The following SLC39A14 variants were observed in gnomAD, a reference collection of about 807,000 sequenced individuals.
SLC39A14 encodes metal cation symporter ZIP14.
In SLC39A14, 19 loss-of-function variants were observed where a neutral mutation model predicts 45.5. The ratio of observed to expected loss-of-function variants is 0.42; its 90% CI spans 0.29 to 0.61. The LOEUF is 0.61. Among genes scored for constraint, SLC39A14 ranks in the 20% least tolerant of loss-of-function variants. The probability of loss-of-function intolerance (pLI) is 0.22; values close to 1 mark genes in which losing one functional copy is unlikely to be tolerated. For missense variants in SLC39A14, 447 were observed against 616.5 expected (o/e 0.73, Z 2.91); for synonymous variants, 264 against 251.3 (o/e 1.05, Z -0.48).
At chr8:22,389,606 A>T (rs974088062) in intron 1 of SLC39A14, among the ~76,000 whole-genome samples, 7 of 152,076 alleles carry the variant, frequency 4.6e-5, no homozygotes, top group African/African-American at 1.7e-4. Context: ...GGGCCAGCAG[A>T]TTGACGTGAG....
chr8:22,407,107 C>T (rs1403956846), intron 2 of SLC39A14, among the ~76,000 whole-genome samples: 1 of 152,198 alleles, frequency 6.6e-6, no homozygotes, highest in Non-Finnish European at 1.5e-5. Flanking sequence ...TTCCCTGAAT[C>T]TTCAGGTTTT....
Position 22,421,146 on chromosome 8 carries a change from T to C in SLC39A14, c.*1448T>C. On this transcript the variant is annotated 3_prime_UTR_variant, in exon 9 of 9. Coordinates refer to ENST00000381237, the MANE Select transcript of SLC39A14 (RefSeq NM_001128431.4). ...GAGCCTGTCTCTCCAGAAGCCTTTC[T>C]TAGTGGTGCCCACAGTTGGAGCCCA... 37 of 985,878 alleles carry C rather than the reference T, an allele frequency of 3.8e-5. No homozygotes were observed. The highest frequency in any genetic ancestry group is 4.2e-5 in the Non-Finnish European group (35 of 829,938). 61.1% of individuals were successfully genotyped at this position (985,878 alleles called of 1,614,324 possible).
chr8:22,386,943 C>T (rs1018572273), intron 1 of SLC39A14, among the ~76,000 whole-genome samples: 3 of 151,872 alleles, frequency 2.0e-5, no homozygotes, highest in Admixed American at 6.6e-5. Flanking sequence ...GAGGCTGGGG[C>T]GGGAGGATCT....
chr8:22,414,975 G>T, intron 5 of SLC39A14, 73 bp downstream of exon 5: 1 of 1,500,838 alleles, frequency 6.7e-7, no homozygotes, highest in East Asian at 2.3e-5. Context: ...GATGTATTGT[G>T]GTGGTGGTGG....
At chr8:22,397,982 A>G (rs1586697311) in intron 1 of SLC39A14, among the ~76,000 whole-genome samples, 1 of 152,128 alleles carries the variant, frequency 6.6e-6, no homozygotes, top group East Asian at 1.9e-4. Context: ...GGTCCCTCGG[A>G]GACCCCTTTC....
chr8:22,387,647 G>C (rs1226220002), intron 1 of SLC39A14, among the ~76,000 whole-genome samples: 1 of 152,328 alleles, frequency 6.6e-6, no homozygotes, highest in East Asian at 1.9e-4. Flanking sequence ...GTGTGAGCGG[G>C]TGTTGGATCG....
Position 22,421,086 on chromosome 8 carries a change from A to G in SLC39A14, c.*1388A>G. 6 of 985,812 alleles carry G rather than the reference A, an allele frequency of 6.1e-6. No homozygotes were observed. Among genetic ancestry groups the G allele is most frequent in the Non-Finnish European group, 7.2e-6 (6 of 829,924 alleles). The allele number at this position is 985,812 out of a possible 1,614,324, so 61.1% of individuals were successfully genotyped here. A position where few individuals can be genotyped will look rare whatever the true frequency, so the allele number is the denominator to read the frequency against. On this transcript the variant is annotated 3_prime_UTR_variant, in exon 9 of 9. Transcript: ENST00000381237. ...CTAGGTGAATTGATTTATTATTATC[A>G]TATTGATAATGTGAGATTCTTTAGC...
chr8:22,402,491 C>T (rs186892512), intron 1 of SLC39A14, among the ~76,000 whole-genome samples: 11 of 152,308 alleles, frequency 7.2e-5, no homozygotes, highest in African/African-American at 2.4e-4. Flanking sequence ...AAATTCTGGC[C>T]GGGCACGGTG....
At chr8:22,370,774 C>A (rs1248871942) in intron 1 of SLC39A14, among the ~76,000 whole-genome samples, 1 of 152,084 alleles carries the variant, frequency 6.6e-6, no homozygotes, top group African/African-American at 2.4e-5. Flanking sequence ...TTCCAGACTC[C>A]CTGGAGACAT....
chr8:22,390,833 G>A (rs1248130696), intron 1 of SLC39A14, among the ~76,000 whole-genome samples: 1 of 152,010 alleles, frequency 6.6e-6, no homozygotes, highest in Non-Finnish European at 1.5e-5. Context: ...CTCTCACACT[G>A]CTGGGATTAC....
rs1411139108 is a variant in SLC39A14, at chr8:22,408,298, C to G, written c.271-12C>G. On this transcript the variant is annotated splice_polypyrimidine_tract_variant and intron_variant, in intron 2 of 8. Coordinates refer to ENST00000381237, the MANE Select transcript of SLC39A14 (RefSeq NM_001128431.4). ...GGGGTCTAAGCGGCTTCCTGCCCTT[C>G]CTGTGTTTCAGTGCTTTAGTTCTGG... is the stretch of plus-strand genomic sequence containing the variant. The G allele has an allele frequency of 4.3e-6, 7 of 1,609,830 alleles. No homozygotes were observed. Among genetic ancestry groups the G allele is most frequent in the Non-Finnish European group, 5.9e-6 (7 of 1,176,698 alleles).
intron 1 of SLC39A14, among the ~76,000 whole-genome samples, chr8:22,396,391 GAGAGAGAGAGAGAGAGAGAGA>G (rs1563532547): frequency 0.015 from 101 of 6,908 alleles, 6 homozygotes; most frequent in East Asian, 0.023. Context: ...TAAATAGAGA[GAGAGAGAGAGAGAGAGAGAGA>G]GGGGGGGGGG....
chr8:22,402,217 T>G (rs954279251), intron 1 of SLC39A14, among the ~76,000 whole-genome samples: 1 of 151,986 alleles, frequency 6.6e-6, no homozygotes, highest in Admixed American at 6.6e-5. Flanking sequence ...CCGTCTCTAC[T>G]AAAAATACAA....
At chr8:22,398,935 A>G (rs1289356119) in intron 1 of SLC39A14, 4 of 161,816 alleles carry the variant, frequency 2.5e-5, no homozygotes, top group Non-Finnish European at 5.2e-5. Context: ...CGCCTTAGAC[A>G]CAGAAGGAGG....
chr8:22,370,843 G>C (rs780776622), intron 1 of SLC39A14, among the ~76,000 whole-genome samples: 1 of 152,158 alleles, frequency 6.6e-6, no homozygotes, highest in Non-Finnish European at 1.5e-5. Context: ...GGGACTCACC[G>C]GGTGTCTGCA....
chr8:22,391,992 G>A (rs1238264860), intron 1 of SLC39A14, among the ~76,000 whole-genome samples: 1 of 152,236 alleles, frequency 6.6e-6, no homozygotes, highest in African/African-American at 2.4e-5. Flanking sequence ...TGTGTTGCAG[G>A]CAGGGAGGAG....
At chr8:22,397,003 TA>T (rs143871440) in intron 1 of SLC39A14, among the ~76,000 whole-genome samples, 7,420 of 152,198 alleles carry the variant, frequency 0.049, 447 homozygotes, top group African/African-American at 0.14. Flanking sequence ...TTTTGTTAAT[TA>T]TCAGGTGTAG....
intron 1 of SLC39A14, among the ~76,000 whole-genome samples, chr8:22,404,031 C>A (rs1586713244): frequency 6.6e-6 from 1 of 152,186 alleles, no homozygotes; most frequent in East Asian, 1.9e-4. Context: ...CTCATCCACA[C>A]CCGTGTGCTC....
In SLC39A14 at chr8:22,376,334, A is replaced by ATT. The variant is rs778041310; in HGVS notation, c.-16+8945_-16+8946dup. Among the ~76,000 whole-genome samples, 827 of 122,394 alleles carry ATT rather than the reference A, an allele frequency of 6.8e-3. 13 individuals are homozygous for ATT. Among genetic ancestry groups the ATT allele is most frequent in the Non-Finnish European group, 8.5e-3 (510 of 59,714 alleles). 80.3% of individuals were successfully genotyped at this position (122,394 alleles called of 152,430 possible). ...TTACAGGCATGAGCCACCACACCTA[A>ATT]TTTTTTTTTTTTTTTTTTTTGTATT... On this transcript the variant is annotated intron_variant, in intron 1 of 8. Transcript: ENST00000381237.
Sources: allele counts gnomAD v4.1 joint callset (sites outside exome capture counted in the v4.1 genomes callset), GRCh38; gene constraint gnomAD v4.1.1; transcripts MANE v1.5; gene names NCBI Gene and HGNC (gene_info 2026-07-23, HGNC 2026-07-21).